Variants in PPP2R3A observed in about 807,000 individuals in gnomAD.
PPP2R3A encodes serine/threonine-protein phosphatase 2A regulatory subunit B'' subunit alpha.
A neutral mutation model predicts 106.9 loss-of-function variants in PPP2R3A; 80 were observed. The ratio of observed to expected loss-of-function variants is 0.75; its 90% confidence interval spans 0.62 to 0.90. The LOEUF (loss-of-function observed/expected upper bound fraction) is 0.90. Ranked by LOEUF, PPP2R3A falls within the 40% of genes least tolerant of loss-of-function variation. The probability of loss-of-function intolerance (pLI) is 0.00; values close to 1 mark genes in which losing one functional copy is unlikely to be tolerated. For synonymous variants in PPP2R3A, 483 were observed against 468.3 expected, an observed-to-expected ratio of 1.03 and a Z score of -0.41; for missense variants, 1,386 against 1,350.4, an observed-to-expected ratio of 1.03 and a Z score of -0.41.
At chr3:136,135,259 G>T (rs1938564923) in intron 13 of PPP2R3A, among the ~76,000 whole-genome samples, 1 of 152,056 alleles carries the variant, frequency 6.6e-6, no homozygotes, top group African/African-American at 2.4e-5. Flanking sequence ...ATAAGATAAG[G>T]CCTACACAGA....
intron 4 of PPP2R3A, among the ~76,000 whole-genome samples, chr3:136,047,409 T>C (rs775496403): frequency 6.6e-5 from 10 of 152,156 alleles, no homozygotes; most frequent in South Asian, 2.1e-4. Context: ...CCATCAATGG[T>C]GGACTGGATA....
chr3:136,065,112 T>C (rs2107896834), intron 5 of PPP2R3A, among the ~76,000 whole-genome samples: 1 of 152,262 alleles, frequency 6.6e-6, no homozygotes, highest in East Asian at 1.9e-4. Flanking sequence ...AAATACAAGT[T>C]TTGCAGCTTA....
intron 8 of PPP2R3A, among the ~76,000 whole-genome samples, chr3:136,082,853 A>G (rs1264514896): frequency 1.3e-5 from 2 of 152,240 alleles, no homozygotes; most frequent in Non-Finnish European, 2.9e-5. Flanking sequence ...AGGACTCACA[A>G]AAATTTACTT....
chr3:136,136,062 AAAAAAAAAAAATTATATATAT>A (rs1286271447), intron 13 of PPP2R3A, among the ~76,000 whole-genome samples: 3 of 58,184 alleles, frequency 5.2e-5, no homozygotes, highest in East Asian at 1.0e-3. Flanking sequence ...AAAAAAAAAA[AAAAAAAAAAAATTATATATAT>A]ATATATATAT....
chr3:136,029,518 G>A (rs1022491604), intron 3 of PPP2R3A, among the ~76,000 whole-genome samples: 3 of 152,166 alleles, frequency 2.0e-5, no homozygotes, highest in East Asian at 3.9e-4. Flanking sequence ...AGTCAAGGCA[G>A]GATAGAGGTC....
chr3:136,027,916 A>G (rs1046376064), intron 3 of PPP2R3A, among the ~76,000 whole-genome samples: 5 of 152,220 alleles, frequency 3.3e-5, no homozygotes, highest in Admixed American at 3.3e-4. Flanking sequence ...GCCCATGCAC[A>G]CTTCCACTGA....
At chr3:136,117,121 C>T (rs1327626715) in intron 13 of PPP2R3A, among the ~76,000 whole-genome samples, 3 of 152,168 alleles carry the variant, frequency 2.0e-5, no homozygotes, top group Admixed American at 1.3e-4. Flanking sequence ...ACTAAACAAC[C>T]TTCTCCTGAA....
At chr3:136,007,188 C>G (rs1331459285) in intron 2 of PPP2R3A, among the ~76,000 whole-genome samples, 1 of 152,204 alleles carries the variant, frequency 6.6e-6, no homozygotes, top group African/African-American at 2.4e-5. Context: ...ATGTGTGAAT[C>G]TCTCTTAAGT....
At chr3:136,026,286 T>G (rs986698289) in intron 2 of PPP2R3A, among the ~76,000 whole-genome samples, 3 of 152,130 alleles carry the variant, frequency 2.0e-5, no homozygotes, top group Non-Finnish European at 4.4e-5. Context: ...ACTAAAATGC[T>G]TTAATTTTCT....
intron 2 of PPP2R3A, among the ~76,000 whole-genome samples, chr3:136,019,163 A>G (rs1045826267): frequency 6.6e-6 from 1 of 152,212 alleles, no homozygotes; most frequent in African/African-American, 2.4e-5. Context: ...GCAGCTGTGC[A>G]GGAAGTTCCT....
At chr3:135,972,286 TTGTAGCA>T (rs1294745595) in intron 1 of PPP2R3A, among the ~76,000 whole-genome samples, 1 of 152,212 alleles carries the variant, frequency 6.6e-6, no homozygotes, top group Non-Finnish European at 1.5e-5. Flanking sequence ...TTCACTCAGG[TTGTAGCA>T]TGTATCAGTA....
intron 9 of PPP2R3A, among the ~76,000 whole-genome samples, chr3:136,089,450 T>A (rs1471662704): frequency 1.3e-5 from 2 of 152,152 alleles, no homozygotes; most frequent in Non-Finnish European, 2.9e-5. Context: ...TGTGTCTGTT[T>A]TTGTACCAGT....
At chr3:136,131,912 A>G (rs1938437094) in intron 13 of PPP2R3A, among the ~76,000 whole-genome samples, 1 of 151,948 alleles carries the variant, frequency 6.6e-6, no homozygotes, top group African/African-American at 2.4e-5. Context: ...TGCCACAAGG[A>G]CAGAAAACCA....
chr3:136,025,978 T>A (rs992012563), intron 2 of PPP2R3A, among the ~76,000 whole-genome samples: 2 of 152,122 alleles, frequency 1.3e-5, no homozygotes, highest in African/African-American at 4.8e-5. Context: ...ATGGTGTACC[T>A]CCCCTCCCTT....
chr3:136,055,899 A>T (rs1392536822), intron 5 of PPP2R3A: 2 of 399,040 alleles, frequency 5.0e-6, no homozygotes, highest in Non-Finnish European at 9.0e-6. Context: ...ATTCCTTAAG[A>T]GTAGGCTATG....
intron 7 of PPP2R3A, among the ~76,000 whole-genome samples, chr3:136,081,056 C>T (rs1283045267): frequency 5.9e-5 from 9 of 151,686 alleles, no homozygotes; most frequent in African/African-American, 1.5e-4. Context: ...CACAGTGGCG[C>T]GATCTCGGCT....
rs1273745944 is a variant in PPP2R3A at position 136,037,860 on chromosome 3, G to A, written c.2263-2999G>A. Among the ~76,000 whole-genome samples, 4 of 151,088 alleles carry A rather than the reference G, an allele frequency of 2.6e-5. No individual in the cohort carries two copies. The East Asian group carries it at 5.8e-4, about 22-fold the overall frequency. On this transcript the variant is annotated intron_variant, in intron 3 of 13. Coordinates refer to ENST00000264977, the MANE Select transcript of PPP2R3A (RefSeq NM_002718.5). ...AACTTTGATTACCATATATTGACTCGCCTCCCCCTCTAAAAATAAGTTTCC... is the reference window on the plus strand; with the variant it reads ...AACTTTGATTACCATATATTGACTCACCTCCCCCTCTAAAAATAAGTTTCC...
intron 13 of PPP2R3A, among the ~76,000 whole-genome samples, chr3:136,112,371 A>C (rs1937606089): frequency 1.3e-5 from 2 of 152,192 alleles, no homozygotes; most frequent in African/African-American, 2.4e-5. Flanking sequence ...AGATGATATA[A>C]TTCTATACCT....
chr3:136,142,390 T>C (rs1938914783), intron 13 of PPP2R3A, among the ~76,000 whole-genome samples: 1 of 152,010 alleles, frequency 6.6e-6, no homozygotes, highest in African/African-American at 2.4e-5. Context: ...AAAATCACCC[T>C]AGTTGAGAAC....
Sources: allele counts gnomAD v4.1 joint callset (sites outside exome capture counted in the v4.1 genomes callset), GRCh38; gene constraint gnomAD v4.1.1; transcripts MANE v1.5; gene names NCBI Gene and HGNC (gene_info 2026-07-23, HGNC 2026-07-21).